COL4A2: variants seen among roughly 807,000 people sequenced by gnomAD.
COL4A2 encodes the protein collagen alpha-2(IV) chain.
In COL4A2, 99 loss-of-function variants were observed where a neutral mutation model predicts 200.2. The observed-to-expected ratio is 0.49, with a 90% CI of 0.42 to 0.58. The LOEUF (loss-of-function observed/expected upper bound fraction) is 0.58. COL4A2 is among the 20% of genes least tolerant of loss of function. COL4A2 has a pLI of 0.00. For synonymous variants in COL4A2, 897 were observed against 900.6 expected (o/e 1.00, Z 0.07); for missense variants, 1,950 against 2,314.1 (o/e 0.84, Z 3.23).
At chr13:110,378,833 G>A (rs9521730) in intron 4 of COL4A2, among the ~76,000 whole-genome samples, 53,328 of 151,872 alleles carry the variant, frequency 0.35, 9,509 homozygotes, top group South Asian at 0.44. Flanking sequence ...TCGGTCCCGC[G>A]GTGTATTTCC....
intron 4 of COL4A2, among the ~76,000 whole-genome samples, chr13:110,358,040 T>G (rs1378052258): frequency 6.6e-6 from 1 of 152,206 alleles, no homozygotes; most frequent in Non-Finnish European, 1.5e-5. Context: ...AGTAATAAAT[T>G]AACCTTAGTT....
chr13:110,400,595 TATG>T (rs1381754654), intron 4 of COL4A2, among the ~76,000 whole-genome samples: 2 of 152,206 alleles, frequency 1.3e-5, no homozygotes, highest in Non-Finnish European at 2.9e-5. Flanking sequence ...GAAAAATTAC[TATG>T]ATGACTATTA....
At position 110,307,778 on chromosome 13, in the gene COL4A2, G is replaced by A; in HGVS notation, c.-44-82G>A. The A allele has an allele frequency of 7.6e-7, 1 of 1,312,498 alleles. No individual in the cohort carries two copies. Among genetic ancestry groups the A allele is most frequent in the Non-Finnish European group, 1.0e-6 (1 of 965,586 alleles). The allele number at this position is 1,312,498 out of a possible 1,614,324, so 81.3% of individuals were successfully genotyped here. ...GCGGGCCGCGCACCGCGCTGTCCCC[G>A]CGTCTCGCGGACCGAGACCGGCGGT... On this transcript the variant is annotated intron_variant, in intron 1 of 47. Coordinates refer to ENST00000360467, the MANE Select transcript of COL4A2 (RefSeq NM_001846.4). This position sits in a 1 kb window ranked among gnomAD's most constrained non-coding sequence, Gnocchi z 5.0.
At chr13:110,484,745 T>C (rs144472490) in intron 32 of COL4A2, among the ~76,000 whole-genome samples, 160 bp from the exon 33 acceptor site, 19 of 152,196 alleles carry the variant, frequency 1.2e-4, no homozygotes, top group Non-Finnish European at 2.8e-4. Flanking sequence ...ACTACTCCGA[T>C]GGACACAGGA....
At chr13:110,369,883 T>C (rs139822753) in intron 4 of COL4A2, among the ~76,000 whole-genome samples, 1 of 152,276 alleles carries the variant, frequency 6.6e-6, no homozygotes, top group African/African-American at 2.4e-5. Flanking sequence ...CAGCACAGCA[T>C]AGGGAAGAAC....
chr13:110,509,756 A>G (rs977953479), intron 47 of COL4A2, among the ~76,000 whole-genome samples: 2 of 152,202 alleles, frequency 1.3e-5, no homozygotes, highest in Non-Finnish European at 2.9e-5. Context: ...CTCTGCTTAC[A>G]TAAATGGCTG....
Position 110,512,245 on chromosome 13 carries a change from C to T in COL4A2, c.*54C>T. On this transcript the variant is annotated 3_prime_UTR_variant, in exon 48 of 48. Coordinates refer to ENST00000360467, the MANE Select transcript of COL4A2 (RefSeq NM_001846.4). ...GGTGCTTATTCTTAACTTATTACCT[C>T]AGGTGCCAACCCAAAAATTGGTTTT... 1 of 1,529,484 alleles carries T rather than the reference C, an allele frequency of 6.5e-7. No individual in the cohort carries two copies. Among genetic ancestry groups the T allele is most frequent in the Non-Finnish European group, 8.7e-7 (1 of 1,143,758 alleles). The allele number at this position is 1,529,484 out of a possible 1,614,324, so 94.7% of individuals were successfully genotyped here.
rs376865785 is a variant in COL4A2, at chr13:110,489,850, G to A, written c.3346+65G>A. ...GCCCTGAGCCTTTGTCTAGGAGCCC[G>A]ACTTGCCAAACAGATCAAATTCAGT... On this transcript the variant is annotated intron_variant, in intron 36 of 47. Transcript: ENST00000360467. 5.2e-5 allele frequency: 79 copies of A among 1,511,242 alleles called. No individual in the cohort carries two copies. In the South Asian group the frequency reaches 6.8e-4, roughly 13 times the overall value. The allele number at this position is 1,511,242 out of a possible 1,614,324, so 93.6% of individuals were successfully genotyped here. A position where few individuals can be genotyped will look rare whatever the true frequency, so the allele number is the denominator to read the frequency against.
chr13:110,488,175 G>A (rs866055623), intron 34 of COL4A2, among the ~76,000 whole-genome samples: 43 of 152,202 alleles, frequency 2.8e-4, no homozygotes, highest in African/African-American at 9.4e-4. Context: ...ACAGGCGCAC[G>A]CCACCACGCC....
At chr13:110,431,350 A>G (rs558031070) in intron 10 of COL4A2, among the ~76,000 whole-genome samples, 10 of 152,352 alleles carry the variant, frequency 6.6e-5, no homozygotes, top group African/African-American at 2.4e-4. Context: ...GATACTGAGA[A>G]AAAAATGAAG....
intron 3 of COL4A2, among the ~76,000 whole-genome samples, chr13:110,308,348 G>A (rs1237680949): frequency 1.3e-5 from 2 of 152,128 alleles, no homozygotes; most frequent in African/African-American, 4.8e-5. Context: ...TTTTGCAAGC[G>A]TCGGCCTTTC....
chr13:110,324,847 G>A (rs962994328), intron 3 of COL4A2, among the ~76,000 whole-genome samples: 2 of 152,186 alleles, frequency 1.3e-5, no homozygotes, highest in African/African-American at 2.4e-5. Context: ...ACCACCCTAC[G>A]CTTGCCTGCT....
At chr13:110,427,275 G>A (rs555109526) in intron 6 of COL4A2, among the ~76,000 whole-genome samples, 9 of 152,182 alleles carry the variant, frequency 5.9e-5, no homozygotes, top group East Asian at 1.9e-4. Context: ...TTATCCTCCC[G>A]AGTAGCTGGG....
At chr13:110,359,737 A>G (rs150854699) in intron 4 of COL4A2, among the ~76,000 whole-genome samples, 1 of 152,330 alleles carries the variant, frequency 6.6e-6, no homozygotes, top group East Asian at 1.9e-4. Context: ...AAATGGGCAC[A>G]GTTCGTGATA....
At chr13:110,420,062 T>C (rs1272978491) in intron 4 of COL4A2, among the ~76,000 whole-genome samples, 1 of 152,204 alleles carries the variant, frequency 6.6e-6, no homozygotes, top group African/African-American at 2.4e-5. Context: ...TCAGTTCAAA[T>C]GCAGATTCAG....
intron 28 of COL4A2, among the ~76,000 whole-genome samples, chr13:110,469,879 C>T (rs1338300677): frequency 1.4e-5 from 2 of 144,938 alleles, no homozygotes; most frequent in African/African-American, 2.5e-5. Context: ...TGTGATGGCA[C>T]TGCCTTGATT....
intron 3 of COL4A2, among the ~76,000 whole-genome samples, chr13:110,353,822 A>C (rs1877067981): frequency 6.6e-6 from 1 of 152,180 alleles, no homozygotes; most frequent in South Asian, 2.1e-4. Flanking sequence ...ATGTCCATGG[A>C]AACTGCCTTG....
intron 45 of COL4A2, among the ~76,000 whole-genome samples, chr13:110,505,343 C>T (rs2479425): frequency 0.96 from 146,320 of 151,844 alleles, 70,732 homozygotes; most frequent in Non-Finnish European, 1. Context: ...GAGCGAGACT[C>T]CGTCTCAAAA....
chr13:110,409,981 G>T (rs1219512783), intron 4 of COL4A2, among the ~76,000 whole-genome samples: 1 of 152,192 alleles, frequency 6.6e-6, no homozygotes, highest in Non-Finnish European at 1.5e-5. Flanking sequence ...CCATCAGGTG[G>T]CCCTGGTAGC....
Sources: allele counts gnomAD v4.1 joint callset (sites outside exome capture counted in the v4.1 genomes callset), GRCh38; gene constraint gnomAD v4.1.1; non-coding constraint Gnocchi (gnomAD v3.1); transcripts MANE v1.5; gene names NCBI Gene and HGNC (gene_info 2026-07-23, HGNC 2026-07-21).